KSR2: variants seen among roughly 807,000 people sequenced by gnomAD.
KSR2 encodes the protein kinase suppressor of ras 2.
In KSR2, 25 loss-of-function variants were observed where a neutral mutation model predicts 107.8. The ratio of observed to expected loss-of-function variants is 0.23; its 90% CI spans 0.17 to 0.32. KSR2 has a LOEUF of 0.32. KSR2 is among the 10% of genes least tolerant of loss of function. The pLI, the probability that KSR2 is intolerant of heterozygous loss-of-function variation, is 1.00. For synonymous variants in KSR2, 480 were observed against 507.0 expected, an observed-to-expected ratio of 0.95 and a Z score of 0.71; for missense variants, 887 against 1,268.9, an observed-to-expected ratio of 0.70 and a Z score of 4.57.
intron 5 of KSR2, among the ~76,000 whole-genome samples, chr12:117,585,058 G>C (rs1422048677): frequency 6.6e-6 from 1 of 151,924 alleles, no homozygotes; most frequent in African/African-American, 2.4e-5. Context: ...GTGTGTGTCT[G>C]TGTGTGTGTG....
chr12:117,883,181 A>G (rs1183855317), intron 1 of KSR2, among the ~76,000 whole-genome samples: 2 of 152,220 alleles, frequency 1.3e-5, no homozygotes, highest in African/African-American at 4.8e-5. Context: ...AAACATAAGG[A>G]AACTGGGATT....
chr12:117,965,485 G>A (rs557511241), intron 1 of KSR2, among the ~76,000 whole-genome samples: 1 of 152,262 alleles, frequency 6.6e-6, no homozygotes, highest in East Asian at 1.9e-4. Context: ...ATTATATCAT[G>A]AAGTATGCTT....
At chr12:117,941,408 T>C (rs1228232655) in intron 1 of KSR2, among the ~76,000 whole-genome samples, 2 of 152,248 alleles carry the variant, frequency 1.3e-5, no homozygotes, top group African/African-American at 2.4e-5. Flanking sequence ...TTCCTTGTCA[T>C]TGACATGATT....
At chr12:117,559,264 A>G in intron 7 of KSR2, among the ~76,000 whole-genome samples, 1 of 152,150 alleles carries the variant, frequency 6.6e-6, no homozygotes. Context: ...CTCTCAGGTA[A>G]GTCTTGGGTG....
chr12:117,734,954 G>A (rs1887884157), intron 4 of KSR2, among the ~76,000 whole-genome samples: 1 of 152,160 alleles, frequency 6.6e-6, no homozygotes, highest in South Asian at 2.1e-4. Context: ...TCATGCCGAA[G>A]CCACACACTT....
At position 117,480,512 on chromosome 12, in the gene KSR2, G is replaced by A. The variant is rs1260301675; in HGVS notation, c.2450+3904C>T. ...TAAAACGATACCTTTTCTTGACGAC[G>A]GCAGAACAGCTGGATGCTGGGGTCT... On this transcript the variant is annotated intron_variant, in intron 16 of 19. Coordinates refer to ENST00000339824, the MANE Select transcript of KSR2 (RefSeq NM_173598.6). Among the ~76,000 whole-genome samples, 7 of 152,236 alleles carry A rather than the reference G, an allele frequency of 4.6e-5. No homozygotes were observed. The South Asian group carries it at 8.3e-4, about 18-fold the overall frequency.
At chr12:117,794,776 ACAG>A (rs1890562102) in intron 3 of KSR2, among the ~76,000 whole-genome samples, 1 of 152,204 alleles carries the variant, frequency 6.6e-6, no homozygotes, top group Non-Finnish European at 1.5e-5. Flanking sequence ...GCACACACAC[ACAG>A]AATAGTCACT....
At chr12:117,821,472 C>T (rs182009194) in intron 3 of KSR2, among the ~76,000 whole-genome samples, 7 of 152,190 alleles carry the variant, frequency 4.6e-5, no homozygotes, top group Non-Finnish European at 8.8e-5. Flanking sequence ...TTTTCTCTAC[C>T]GTACTTTATT....
chr12:117,563,398 T>A (rs1878252859), intron 7 of KSR2, among the ~76,000 whole-genome samples: 1 of 152,060 alleles, frequency 6.6e-6, no homozygotes, highest in South Asian at 2.1e-4. Context: ...AAACCTAGGT[T>A]CAAATCCTGA....
At chr12:117,742,555 A>ATGG (rs1355857237) in intron 4 of KSR2, among the ~76,000 whole-genome samples, 19 of 125,798 alleles carry the variant, frequency 1.5e-4, no homozygotes, top group African/African-American at 3.7e-4. Flanking sequence ...TGGATGGATG[A>ATGG]ATGGGCAGAG....
chr12:117,739,472 T>C (rs1248803758), intron 4 of KSR2, among the ~76,000 whole-genome samples: 1 of 152,190 alleles, frequency 6.6e-6, no homozygotes, highest in African/African-American at 2.4e-5. Context: ...GAGACCACCG[T>C]TGAGATAAGC....
At chr12:117,583,125 A>G (rs1879767940) in intron 5 of KSR2, among the ~76,000 whole-genome samples, 1 of 151,930 alleles carries the variant, frequency 6.6e-6, no homozygotes, top group Non-Finnish European at 1.5e-5. Context: ...ATAGATGAGC[A>G]GGATGGATAG....
chr12:117,752,259 G>A (rs1888637274), intron 4 of KSR2, among the ~76,000 whole-genome samples: 1 of 152,208 alleles, frequency 6.6e-6, no homozygotes, highest in Non-Finnish European at 1.5e-5. Context: ...TTGACATACT[G>A]TTCCATAAGG....
intron 14 of KSR2, among the ~76,000 whole-genome samples, chr12:117,513,363 G>T (rs1273072999): frequency 6.6e-6 from 1 of 152,124 alleles, no homozygotes; most frequent in Non-Finnish European, 1.5e-5. Flanking sequence ...TCAGGCAGGG[G>T]GCAAGGCCAA....
chr12:117,674,860 T>A (rs1342065406), intron 4 of KSR2, among the ~76,000 whole-genome samples: 1 of 152,174 alleles, frequency 6.6e-6, no homozygotes, highest in Non-Finnish European at 1.5e-5. Context: ...AAAAGCTTCC[T>A]AGGACCCTCC....
intron 5 of KSR2, among the ~76,000 whole-genome samples, chr12:117,620,660 G>A (rs1263571264): frequency 6.6e-6 from 1 of 152,182 alleles, no homozygotes; most frequent in Non-Finnish European, 1.5e-5. Flanking sequence ...TCCAATATCA[G>A]CAGCAAAGAC....
Position 117,630,876 on chromosome 12 carries a change from C to T in KSR2, c.1171+36598G>A, listed in dbSNP as rs186605600. Among the ~76,000 whole-genome samples, 34 of 152,200 alleles carry T rather than the reference C, an allele frequency of 2.2e-4. No homozygotes were observed. In the East Asian group the frequency reaches 5.4e-3, roughly 24 times the overall value. On this transcript the variant is annotated intron_variant, in intron 5 of 19. Transcript: ENST00000339824. ...TCTTCTGCAAAAAGCAGGAACCCTG[C>T]TGATAAAGGACAATGGTACTGTTTC...
chr12:117,511,415 G>C (rs1874018120), intron 14 of KSR2, among the ~76,000 whole-genome samples: 1 of 150,570 alleles, frequency 6.6e-6, no homozygotes. Flanking sequence ...TAGCCAAAAA[G>C]AATAACCAAA....
chr12:117,623,681 A>G (rs1882315430), intron 5 of KSR2, among the ~76,000 whole-genome samples: 1 of 152,238 alleles, frequency 6.6e-6, no homozygotes. Context: ...ATAGTGCCAC[A>G]ATAAACATAC....
Sources: gnomAD v4.1 joint callset for allele counts (sites outside exome capture counted in the v4.1 genomes callset) on GRCh38, gnomAD v4.1.1 for gene constraint, MANE v1.5 for transcripts, NCBI Gene and HGNC (gene_info 2026-07-23, HGNC 2026-07-21) for gene names.